Variants in PPP2R2B observed in about 807,000 individuals in gnomAD.
PPP2R2B encodes the protein serine/threonine-protein phosphatase 2A 55 kDa regulatory subunit B beta isoform.
Under a neutral mutation model 46.0 loss-of-function variants are expected in PPP2R2B, and 5 were observed. The observed-to-expected ratio is 0.11, with a 90% CI of 0.06 to 0.23. The LOEUF (loss-of-function observed/expected upper bound fraction) is 0.23. PPP2R2B is among the 10% of genes least tolerant of loss of function. PPP2R2B has a pLI of 1.00. For missense variants in PPP2R2B, 367 were observed against 575.0 expected (o/e 0.64, Z 3.70); for synonymous variants, 215 against 206.7 (o/e 1.04, Z -0.34).
chr5:146,719,719 A>C (rs1445404406), intron 2 of PPP2R2B, among the ~76,000 whole-genome samples: 1 of 151,576 alleles, frequency 6.6e-6, no homozygotes, highest in Non-Finnish European at 1.5e-5. Context: ...CATATCTGAC[A>C]AGCAGATTTA....
chr5:146,708,243 G>T (rs564431914), intron 2 of PPP2R2B, among the ~76,000 whole-genome samples: 1 of 151,938 alleles, frequency 6.6e-6, no homozygotes, highest in African/African-American at 2.4e-5. Context: ...TGTGGTCCCA[G>T]CTACTTGGGA....
At chr5:146,703,954 C>T (rs191480566) in intron 2 of PPP2R2B, among the ~76,000 whole-genome samples, 2 of 152,288 alleles carry the variant, frequency 1.3e-5, no homozygotes, top group Admixed American at 6.5e-5. Flanking sequence ...TATTTTAATT[C>T]TACTAGCCAG....
At chr5:146,895,658 A>T (rs1762622344) in intron 1 of PPP2R2B, among the ~76,000 whole-genome samples, 1 of 152,220 alleles carries the variant, frequency 6.6e-6, no homozygotes, top group Non-Finnish European at 1.5e-5. Flanking sequence ...ACAGTTGTTA[A>T]CTAGTAATGG....
chr5:146,829,008 G>A (rs186094420), intron 2 of PPP2R2B, among the ~76,000 whole-genome samples: 194 of 152,230 alleles, frequency 1.3e-3, no homozygotes, highest in Non-Finnish European at 2.1e-3. Flanking sequence ...AGAGAAGAAC[G>A]GGTAAGTGAG....
rs1178362569 is a variant in PPP2R2B at position 146,582,590 on chromosome 5, T to C, written c.*7357A>G. ...GCCCTGTTTGGATCTCCATATATCATTCAAACTCCCAATGGCATGCCGCTC... is the reference window on the plus strand; with the variant it reads ...GCCCTGTTTGGATCTCCATATATCACTCAAACTCCCAATGGCATGCCGCTC... On this transcript the variant is annotated 3_prime_UTR_variant, in exon 10 of 10. Transcript: ENST00000394411. The C allele has an allele frequency of 1.3e-5, 2 of 152,248 alleles. No individual in the cohort carries two copies. The highest frequency in any genetic ancestry group is 1.9e-4 in the East Asian group (1 of 5,196). 9.4% of individuals were successfully genotyped at this position (152,248 alleles called of 1,614,324 possible).
At chr5:146,735,966 G>A (rs1352459619) in intron 2 of PPP2R2B, among the ~76,000 whole-genome samples, 1 of 152,048 alleles carries the variant, frequency 6.6e-6, no homozygotes, top group Non-Finnish European at 1.5e-5. Flanking sequence ...ATTTAGTTTG[G>A]CTGTGTCCCC....
intron 1 of PPP2R2B, among the ~76,000 whole-genome samples, chr5:147,008,113 A>G (rs1230947593): frequency 2.0e-5 from 3 of 152,218 alleles, no homozygotes; most frequent in African/African-American, 7.2e-5. Flanking sequence ...GATCACTCCC[A>G]TTTATGTTGA....
chr5:146,787,766 C>T (rs777619876), intron 2 of PPP2R2B, among the ~76,000 whole-genome samples: 3 of 152,138 alleles, frequency 2.0e-5, no homozygotes, highest in African/African-American at 7.2e-5. Flanking sequence ...TGGGGTTTCA[C>T]CATGTTGGTC....
At chr5:146,993,807 G>GT (rs35383221) in intron 1 of PPP2R2B, among the ~76,000 whole-genome samples, 53 of 149,858 alleles carry the variant, frequency 3.5e-4, no homozygotes, top group Middle Eastern at 3.4e-3. Context: ...ATCCAGCACA[G>GT]TTTTTTTTTT....
chr5:146,739,796 C>G (rs1276016811), intron 2 of PPP2R2B, among the ~76,000 whole-genome samples: 1 of 152,170 alleles, frequency 6.6e-6, no homozygotes, highest in Non-Finnish European at 1.5e-5. Flanking sequence ...CTATGTTTCT[C>G]TTTGTATCAC....
At chr5:146,765,758 T>G (rs1754438773) in intron 2 of PPP2R2B, among the ~76,000 whole-genome samples, 1 of 152,200 alleles carries the variant, frequency 6.6e-6, no homozygotes, top group Non-Finnish European at 1.5e-5. Context: ...CAGGAAGTGA[T>G]TGGGGTAAAC....
Position 146,616,361 on chromosome 5 carries a change from C to A in PPP2R2B, c.791-15901G>T, listed in dbSNP as rs1026898116. 3.3e-5 allele frequency among the ~76,000 whole-genome samples: 5 copies of A among 152,236 alleles called. No individual in the cohort carries two copies. The East Asian group carries it at 9.6e-4, about 29-fold the overall frequency. ...TTGAGGGATACCCCGCAAGCACAAG[C>A]AACCAAAGCAAAAATGAACAAATGG... On this transcript the variant is annotated intron_variant, in intron 7 of 9. Transcript: ENST00000394411.
chr5:146,862,220 A>G (rs546390517), intron 2 of PPP2R2B, among the ~76,000 whole-genome samples: 6 of 152,326 alleles, frequency 3.9e-5, no homozygotes, highest in Admixed American at 6.5e-5. Flanking sequence ...CCAAGAAAAG[A>G]ATATGTAACT....
chr5:147,019,145 A>G (rs1755142160), intron 1 of PPP2R2B, among the ~76,000 whole-genome samples: 1 of 152,114 alleles, frequency 6.6e-6, no homozygotes, highest in African/African-American at 2.4e-5. Flanking sequence ...CTTCTGGTAC[A>G]TAAATTTGCC....
chr5:146,808,958 G>GGTGTGTGTGTGTGT (rs35023590), intron 2 of PPP2R2B, among the ~76,000 whole-genome samples: 121 of 146,368 alleles, frequency 8.3e-4, no homozygotes, highest in African/African-American at 3.0e-3. Context: ...TGCTAACACT[G>GGTGTGTGTGTGTGT]GTGTGTGTGT....
At chr5:146,952,293 T>G (rs552577863) in intron 1 of PPP2R2B, among the ~76,000 whole-genome samples, 8 of 152,210 alleles carry the variant, frequency 5.3e-5, no homozygotes, top group Admixed American at 2.0e-4. Flanking sequence ...GTACTTGTGG[T>G]GATTTTTTTT....
rs1770240449 is a variant in PPP2R2B, at chr5:146,587,765, C to G, written c.*2182G>C. 6.6e-6 allele frequency: 1 copy of G among 152,132 alleles called. No homozygotes were observed. Among genetic ancestry groups the G allele is most frequent in the Non-Finnish European group, 1.5e-5 (1 of 68,038 alleles). The allele number at this position is 152,132 out of a possible 1,614,324, so 9.4% of individuals were successfully genotyped here. ...TGATTAATGTTAGGGAAAAACCTAG[C>G]ATATCAGAGTTGAAATTTCATGCAT... On this transcript the variant is annotated 3_prime_UTR_variant, in exon 10 of 10. Transcript: ENST00000394411.
intron 5 of PPP2R2B, among the ~76,000 whole-genome samples, chr5:146,667,416 A>G (rs1777068956): frequency 6.6e-6 from 1 of 152,024 alleles, no homozygotes; most frequent in African/African-American, 2.4e-5. Flanking sequence ...AAGAGAAGAG[A>G]GTATCTGAGA....
intron 1 of PPP2R2B, among the ~76,000 whole-genome samples, chr5:146,889,334 C>T (rs1462085130): frequency 6.6e-6 from 1 of 152,116 alleles, no homozygotes; most frequent in East Asian, 1.9e-4. Context: ...GTGGGGATGG[C>T]AATACCAGAT....
Sources: allele counts gnomAD v4.1 joint callset (sites outside exome capture counted in the v4.1 genomes callset), GRCh38; gene constraint gnomAD v4.1.1; transcripts MANE v1.5; gene names NCBI Gene and HGNC (gene_info 2026-07-23, HGNC 2026-07-21).